The following TEF variants were observed in gnomAD, a reference collection of about 807,000 sequenced individuals.
The protein encoded by TEF is thyrotroph embryonic factor.
TEF carries 3 observed loss-of-function variants against 20.8 expected under a neutral mutation model. The ratio of observed to expected loss-of-function variants is 0.14; its 90% confidence interval spans 0.07 to 0.37. The LOEUF is 0.37. Ranked by LOEUF, TEF falls within the 10% of genes least tolerant of loss-of-function variation. The pLI, the probability that TEF is intolerant of heterozygous loss-of-function variation, is 1.00. For missense variants in TEF, 296 were observed against 397.9 expected, an observed-to-expected ratio of 0.74 and a Z score of 2.18; for synonymous variants, 180 against 171.1, an observed-to-expected ratio of 1.05 and a Z score of -0.41.
intron 1 of TEF, chr22:41,369,206 C>A: frequency 6.1e-6 from 6 of 985,406 alleles, no homozygotes; most frequent in Non-Finnish European, 7.2e-6. Flanking sequence ...CAGCAGCTGC[C>A]GGTCTCTGGC....
intron 1 of TEF, chr22:41,383,092 C>T (rs1279077211): frequency 1.3e-5 from 6 of 464,140 alleles, no homozygotes; most frequent in Non-Finnish European, 2.2e-5. Context: ...GAGTGTGAGA[C>T]CTTTGCATTT....
intron 2 of TEF, among the ~76,000 whole-genome samples, chr22:41,387,959 A>G (rs2037118315): frequency 7.6e-6 from 1 of 131,692 alleles, no homozygotes. Context: ...TAGAAATCCC[A>G]TTCTGCATTT....
Position 41,397,789 on chromosome 22 carries a change from G to A in TEF, c.*1829G>A, listed in dbSNP as rs371690118. Reference sequence around the variant, plus strand: ...CCTGCCCCGGGCAGCTCTCCCTCCCGGGCACGCTCCCTCTGGCCTGGTGGA... The same window carrying A: ...CCTGCCCCGGGCAGCTCTCCCTCCCAGGCACGCTCCCTCTGGCCTGGTGGA... On this transcript the variant is annotated 3_prime_UTR_variant, in exon 4 of 4. Coordinates refer to ENST00000266304, the MANE Select transcript of TEF (RefSeq NM_003216.4). The A allele has an allele frequency of 1.3e-5, 2 of 152,236 alleles. No individual in the cohort carries two copies. Among genetic ancestry groups the A allele is most frequent in the African/African-American group, 4.8e-5 (2 of 41,452 alleles). 9.4% of individuals were successfully genotyped at this position (152,236 alleles called of 1,614,324 possible).
At chr22:41,370,337 T>C (rs2036868693) in intron 1 of TEF, among the ~76,000 whole-genome samples, 1 of 148,980 alleles carries the variant, frequency 6.7e-6, no homozygotes, top group Non-Finnish European at 1.5e-5. Context: ...ATGGTCTTTA[T>C]CTCTTGACCT....
At position 41,382,076 on chromosome 22, in the gene TEF, C is replaced by T; in HGVS notation, c.32C>T (p.Pro11Leu). 1 of 1,231,706 alleles carries T rather than the reference C, an allele frequency of 8.1e-7. No individual in the cohort carries two copies. Among genetic ancestry groups the T allele is most frequent in the East Asian group, 3.2e-5 (1 of 31,664 alleles). 76.3% of individuals were successfully genotyped at this position (1,231,706 alleles called of 1,614,324 possible). A position where few individuals can be genotyped will look rare whatever the true frequency, so the allele number is the denominator to read the frequency against. Reference protein sequence around the residue: MSDAGGGKKPPVDPQAGPGPG... With the variant: MSDAGGGKKPLVDPQAGPGPG... ...GACGCGGGCGGCGGAAAGAAGCCGC[C>T]TGTGGACCCGCAGGCAGGACCCGGT... is the stretch of plus-strand genomic sequence containing the variant. Residue 11 changes from proline (P) to leucine (L), a missense_variant, in exon 1 of 4, where the codon CCT becomes CTT. By Grantham distance (98) the Pro-to-Leu change is moderately conservative. Transcript: ENST00000266304.
intron 1 of TEF, among the ~76,000 whole-genome samples, chr22:41,386,451 A>T (rs995816726): frequency 3.3e-5 from 5 of 151,700 alleles, no homozygotes; most frequent in Non-Finnish European, 7.4e-5. Context: ...AAAAAAAAAA[A>T]TAAAACAGGC....
intron 1 of TEF, 113 bp from the exon 2 acceptor site, chr22:41,387,238 G>A (rs2037108721): frequency 2.6e-6 from 3 of 1,155,992 alleles, no homozygotes; most frequent in East Asian, 4.9e-5. Flanking sequence ...AAATGCATGG[G>A]TTGGAATCGG....
intron 1 of TEF, 117 bp downstream of exon 1, chr22:41,382,318 G>A: frequency 3.3e-6 from 3 of 922,650 alleles, no homozygotes; most frequent in Non-Finnish European, 4.2e-6. Flanking sequence ...AGCGGAGGGG[G>A]ATGGGGCCTG....
At position 41,386,428 on chromosome 22, in the gene TEF, G is replaced by A. The variant is rs182806821; in HGVS notation, c.158-923G>A. Among the ~76,000 whole-genome samples, 263 of 148,736 alleles carry A rather than the reference G, an allele frequency of 1.8e-3. 2 individuals carry two copies. The highest frequency in any genetic ancestry group is 6.1e-3 in the African/African-American group (245 of 40,396). Reference sequence around the variant, plus strand: ...TGCACTCCAGCCTGGGCAACAGAGCGAAGCTCCATCTCAAAAAAAAAAATA... The same window carrying A: ...TGCACTCCAGCCTGGGCAACAGAGCAAAGCTCCATCTCAAAAAAAAAAATA... On this transcript the variant is annotated intron_variant, in intron 1 of 3. Transcript: ENST00000266304.
rs2037220520 is a variant in TEF, at chr22:41,395,809, G to A, written c.761G>A (p.Arg254Gln). 3 of 1,614,146 alleles carry A rather than the reference G, an allele frequency of 1.9e-6. No individual in the cohort carries two copies. The highest frequency in any genetic ancestry group is 2.5e-6 in the Non-Finnish European group (3 of 1,180,018). ...GCAGCTAAACGGTCACGGGATGCCCGGCGCCTGAAAGAGAATCAGATCACC... is the reference window on the plus strand; with the variant it reads ...GCAGCTAAACGGTCACGGGATGCCCAGCGCCTGAAAGAGAATCAGATCACC... ...NVAAKRSRDA[R>Q]RLKENQITIR... The change falls in exon 4 of 4, where the codon CGG (arginine) becomes CAG (glutamine). Residue 254 changes from arginine to glutamine, a missense_variant. Coordinates refer to ENST00000266304, the MANE Select transcript of TEF (RefSeq NM_003216.4).
intron 3 of TEF, 30 bp from the exon 4 acceptor site, chr22:41,395,715 G>A (rs200395298): frequency 1.1e-5 from 18 of 1,604,066 alleles, no homozygotes; most frequent in Middle Eastern, 1.7e-4. Context: ...GGGGAAAGAC[G>A]AGAGACTCAC....
At chr22:41,369,150 G>C in intron 1 of TEF, 1 of 985,350 alleles carries the variant, frequency 1.0e-6, no homozygotes, top group East Asian at 1.1e-4. Flanking sequence ...GGGGCGACTC[G>C]GGGCACTGCT....
At chr22:41,391,074 T>C (rs1299626637) in intron 2 of TEF, among the ~76,000 whole-genome samples, 1 of 152,106 alleles carries the variant, frequency 6.6e-6, no homozygotes, top group African/African-American at 2.4e-5. Flanking sequence ...ACAGTTACCA[T>C]GTGGGTCCCT....
chr22:41,393,174 CTAAAAAA>C lies in TEF; in HGVS notation c.476-914_476-908del, dbSNP rs1267282450. 1.1e-4 allele frequency among the ~76,000 whole-genome samples: 17 copies of C among 151,682 alleles called. No homozygotes were observed. The East Asian group carries it at 3.1e-3, about 28-fold the overall frequency. Reference sequence around the variant, plus strand: ...CTGGCAACATAATGAAACCCTGTCTCTAAAAAATAAAAAAAAATTAGCCAGGCGTGTT... The same window carrying C: ...CTGGCAACATAATGAAACCCTGTCTCTAAAAAAAAATTAGCCAGGCGTGTT... On this transcript the variant is annotated intron_variant, in intron 2 of 3. Transcript: ENST00000266304.
rs558134055 is a variant in TEF at position 41,383,853 on chromosome 22, G to A, written c.157+1652G>A. On this transcript the variant is annotated intron_variant, in intron 1 of 3. Coordinates refer to ENST00000266304, the MANE Select transcript of TEF (RefSeq NM_003216.4). The stretch of plus-strand genomic sequence containing the variant: ...CCTTTGATCCCAAATGACCCCACCC[G>A]ACATGGGTCACAGTCATTTCTGAAC... Among the ~76,000 whole-genome samples, 24 of 152,248 alleles carry A rather than the reference G, an allele frequency of 1.6e-4. No individual in the cohort carries two copies. In the Middle Eastern group the frequency reaches 0.01, roughly 65 times the overall value.
intron 1 of TEF, among the ~76,000 whole-genome samples, chr22:41,374,802 T>A (rs1003447854): frequency 1.5e-4 from 23 of 152,010 alleles, no homozygotes; most frequent in African/African-American, 5.1e-4. Context: ...TGTCTCCATA[T>A]TGAGTAGGCT....
In TEF at chr22:41,374,724, AAAAG is replaced by A. The variant is rs546335935; in HGVS notation, c.67+7129_67+7132del. On this transcript the variant is annotated intron_variant, in intron 1 of 3. Transcript: ENST00000406644. Reference sequence around the variant, plus strand: ...GAGCAAAACTGTCTCAAAAAAAAAAAAAAGAAAAGAAAATCATAACAGAATCTTA... The same window carrying A: ...GAGCAAAACTGTCTCAAAAAAAAAAAAAAAGAAAATCATAACAGAATCTTA... Among the ~76,000 whole-genome samples the A allele has an allele frequency of 5.1e-3, 782 of 152,072 alleles. 6 individuals are homozygous for A. The highest frequency in any genetic ancestry group is 0.018 in the African/African-American group (728 of 41,460).
chr22:41,394,374 A>G (rs1487035863), intron 3 of TEF, 58 bp downstream of exon 3: 32 of 1,494,888 alleles, frequency 2.1e-5, no homozygotes, highest in Non-Finnish European at 2.9e-5. Flanking sequence ...CCTAGGGGAT[A>G]TGGCTCCTCG....
rs1415366938 is a variant in TEF, at chr22:41,381,949, C to G, written c.-96C>G. On this transcript the variant is annotated 5_prime_UTR_variant, in exon 1 of 4. Coordinates refer to ENST00000266304, the MANE Select transcript of TEF (RefSeq NM_003216.4). ...GCGCCATTGGGCGCCTGCGCAGTAG[C>G]TGCCCGTGTCGGCAGCTGCAGCGGG... 2.0e-5 allele frequency: 24 copies of G among 1,226,670 alleles called. No individual in the cohort carries two copies. Among genetic ancestry groups the G allele is most frequent in the Non-Finnish European group, 2.4e-5 (24 of 985,030 alleles). The allele number at this position is 1,226,670 out of a possible 1,614,324, so 76.0% of individuals were successfully genotyped here.
Sources: allele counts gnomAD v4.1 joint callset (sites outside exome capture counted in the v4.1 genomes callset), GRCh38; gene constraint gnomAD v4.1.1; transcripts MANE v1.5; gene names NCBI Gene and HGNC (gene_info 2026-07-23, HGNC 2026-07-21).